The following ZBTB40 variants were observed in gnomAD, a reference collection of about 807,000 sequenced individuals.
The protein encoded by ZBTB40 is zinc finger and BTB domain containing 40, also known as zinc finger and BTB domain-containing protein 40.
A neutral mutation model predicts 117.5 loss-of-function variants in ZBTB40; 60 were observed. The ratio of observed to expected loss-of-function variants is 0.51; its 90% CI spans 0.41 to 0.63. ZBTB40 has a LOEUF of 0.63. ZBTB40 is among the 30% of genes least tolerant of loss of function. ZBTB40 has a pLI of 0.00. For synonymous variants in ZBTB40, 525 were observed against 577.1 expected, an observed-to-expected ratio of 0.91 and a Z score of 1.29; for missense variants, 1,287 against 1,498.5, an observed-to-expected ratio of 0.86 and a Z score of 2.33.
rs1022531007 is a variant in ZBTB40, at chr1:22,486,713, AT to A, written c.-69-3159del. On this transcript the variant is annotated intron_variant, in intron 1 of 17. Coordinates refer to ENST00000375647, the MANE Select transcript of ZBTB40 (RefSeq NM_014870.4). ...TTCCTACAGAGGCGTTTGTTCATACATTTTTTTTGTTTTGTTTTGTTTTGTT... is the reference window on the plus strand; with the variant it reads ...TTCCTACAGAGGCGTTTGTTCATACATTTTTTTGTTTTGTTTTGTTTTGTT... 8.3e-4 allele frequency among the ~76,000 whole-genome samples: 12 copies of A among 14,414 alleles called. No individual in the cohort carries two copies. The African/African-American group carries it at 0.023, about 27-fold the overall frequency. The allele number at this position is 14,414 out of a possible 152,430, so 9.5% of individuals were successfully genotyped here.
At chr1:22,452,154 C>G (rs1009462617) in intron 1 of ZBTB40, 150 bp downstream of exon 1, 4 of 152,556 alleles carry the variant, frequency 2.6e-5, no homozygotes, top group Admixed American at 2.0e-4. Flanking sequence ...ACCTACACCC[C>G]GGACGTGCCC....
chr1:22,470,835 T>G (rs1641387003), intron 1 of ZBTB40, among the ~76,000 whole-genome samples: 1 of 152,182 alleles, frequency 6.6e-6, no homozygotes. Context: ...GGCCAGGCAT[T>G]TACTTTAATG....
At chr1:22,508,200 A>C (rs28516648) in intron 7 of ZBTB40, 63 bp downstream of exon 7, 78,235 of 1,537,476 alleles carry the variant, frequency 0.051, 6,271 homozygotes, top group East Asian at 0.41. Context: ...AAAAATATGA[A>C]TACACACACA....
rs1639728187 is a variant in ZBTB40, at chr1:22,527,954, G to A, written c.*1558G>A. The stretch of plus-strand genomic sequence containing the variant: ...CAGCTCATCCCAGCCGACTACACCT[G>A]CTTCTGGTCCTGTCCACATTTTGAT... On this transcript the variant is annotated 3_prime_UTR_variant, in exon 18 of 18. Coordinates refer to ENST00000375647, the MANE Select transcript of ZBTB40 (RefSeq NM_014870.4). 1 of 152,552 alleles carries A rather than the reference G, an allele frequency of 6.6e-6. No homozygotes were observed. Among genetic ancestry groups the A allele is most frequent in the Non-Finnish European group, 1.5e-5 (1 of 68,054 alleles). The allele number at this position is 152,552 out of a possible 1,614,324, so 9.4% of individuals were successfully genotyped here. A position where few individuals can be genotyped will look rare whatever the true frequency, so the allele number is the denominator to read the frequency against.
rs1638389503 is a variant in ZBTB40 at position 22,483,654 on chromosome 1, T to A, written c.-69-6226T>A. Among the ~76,000 whole-genome samples the A allele has an allele frequency of 3.3e-5, 5 of 152,366 alleles. No homozygotes were observed. The South Asian group carries it at 1.0e-3, about 32-fold the overall frequency. Reference sequence around the variant, plus strand: ...GGGTTGTTTTCTTATTGTTGAGTTTTGAGAGTTCTTTGTGTATTTTGGATA... The same window carrying A: ...GGGTTGTTTTCTTATTGTTGAGTTTAGAGAGTTCTTTGTGTATTTTGGATA... On this transcript the variant is annotated intron_variant, in intron 1 of 17. Transcript: ENST00000375647.
At position 22,501,573 on chromosome 1, in the gene ZBTB40, G is replaced by T; in HGVS notation, c.913G>T (p.Asp305Tyr). 1.9e-6 allele frequency: 3 copies of T among 1,614,150 alleles called. No homozygotes were observed. The highest frequency in any genetic ancestry group is 2.5e-6 in the Non-Finnish European group (3 of 1,180,024). Residue 305 changes from aspartate to tyrosine, a missense_variant, in exon 4 of 18, where the codon GAT (aspartate) becomes TAT (tyrosine). Coordinates refer to ENST00000375647, the MANE Select transcript of ZBTB40 (RefSeq NM_014870.4). ...GGGTAAAGTAAGAGAGGAAAGCCTG[G>T]ATGTTCAAACTGTTGTGTCCCTGTT... ...ILGKVREESL[D>Y]VQTVVSLLRL...
At chr1:22,524,498 T>C (rs1178018181) in intron 17 of ZBTB40, 54 bp downstream of exon 17, 2 of 1,575,880 alleles carry the variant, frequency 1.3e-6, no homozygotes, top group African/African-American at 2.7e-5. Flanking sequence ...TTCCTAAGGC[T>C]TCTCTAGAGG....
intron 1 of ZBTB40, among the ~76,000 whole-genome samples, chr1:22,464,231 G>C (rs1373858356): frequency 6.6e-6 from 1 of 152,224 alleles, no homozygotes; most frequent in Non-Finnish European, 1.5e-5. Context: ...CACACACTTT[G>C]TAATTGAACA....
intron 1 of ZBTB40, among the ~76,000 whole-genome samples, chr1:22,446,718 T>C (rs1453959908): frequency 6.6e-6 from 1 of 152,056 alleles, no homozygotes; most frequent in East Asian, 1.9e-4. Flanking sequence ...ATAAAGACTT[T>C]CTCAGACGAA....
In ZBTB40 at chr1:22,506,306, C is replaced by A; in HGVS notation, c.1360+65C>A. The A allele has an allele frequency of 2.0e-6, 3 of 1,514,312 alleles. No individual in the cohort carries two copies. In the South Asian group the frequency reaches 3.4e-5, roughly 17 times the overall value. 93.8% of individuals were successfully genotyped at this position (1,514,312 alleles called of 1,614,324 possible). ...TTCCAGAAAATTGTAGCTTGAAACA[C>A]CCTTTTGGCTCCATGCTGGGGAGAT... On this transcript the variant is annotated intron_variant, in intron 6 of 17. Transcript: ENST00000375647.
intron 1 of ZBTB40, among the ~76,000 whole-genome samples, chr1:22,488,083 G>A (rs1170158961): frequency 6.6e-6 from 1 of 152,136 alleles, no homozygotes; most frequent in African/African-American, 2.4e-5. Flanking sequence ...ACACAGGTCA[G>A]CTGTTTTTCC....
intron 2 of ZBTB40, 69 bp downstream of exon 2, chr1:22,490,714 A>G: frequency 6.4e-7 from 1 of 1,563,186 alleles, no homozygotes; most frequent in Non-Finnish European, 8.7e-7. Context: ...ATGTTTGATT[A>G]ATAAATTTAT....
chr1:22,431,511 G>A lies in ZBTB40; in HGVS notation c.-70+2497G>A, dbSNP rs991917588. 2.6e-5 allele frequency among the ~76,000 whole-genome samples: 4 copies of A among 151,220 alleles called. No individual in the cohort carries two copies. In the East Asian group the frequency reaches 7.7e-4, roughly 29 times the overall value. On this transcript the variant is annotated intron_variant, in intron 1 of 8. Transcript: ENST00000650433. ...CCCAGCACTTTGGGAGACCAAGGGG[G>A]GTGGGTCACCTAAGGTCAGGAGTTC...
At chr1:22,493,919 C>T (rs545322103) in intron 3 of ZBTB40, among the ~76,000 whole-genome samples, 5 of 151,512 alleles carry the variant, frequency 3.3e-5, no homozygotes, top group Admixed American at 6.6e-5. Flanking sequence ...TTCATTTATC[C>T]ACCTCTACTA....
rs114723514 is a variant in ZBTB40 at position 22,514,925 on chromosome 1, C to T, written c.2668+1795C>T. On this transcript the variant is annotated intron_variant, in intron 12 of 17. Transcript: ENST00000375647. ...TCAGACATGGGGTATTATAAATATA[C>T]GCACCCCTGTCATGGGACTTACATC... Among the ~76,000 whole-genome samples, 1,143 of 152,246 alleles carry T rather than the reference C, an allele frequency of 7.5e-3. 17 individuals carry two copies. The highest frequency in any genetic ancestry group is 0.026 in the African/African-American group (1,088 of 41,532).
intron 10 of ZBTB40, 127 bp downstream of exon 10, chr1:22,511,474 G>T: frequency 7.3e-7 from 1 of 1,377,780 alleles, no homozygotes. Flanking sequence ...TATATGCTCT[G>T]AATACCTAAA....
intron 1 of ZBTB40, among the ~76,000 whole-genome samples, chr1:22,458,861 G>A (rs1641066367): frequency 6.6e-6 from 1 of 152,188 alleles, no homozygotes; most frequent in African/African-American, 2.4e-5. Context: ...AAAGTGCTGG[G>A]ATTACAAGTG....
At position 22,491,470 on chromosome 1, in the gene ZBTB40, G is replaced by C. The variant is rs763778133; in HGVS notation, c.768G>C (p.Met256Ile). The C allele has an allele frequency of 6.2e-6, 10 of 1,613,946 alleles. No homozygotes were observed. The highest frequency in any genetic ancestry group is 1.3e-5 in the African/African-American group (1 of 75,014). ...ENEGVFSDAL[M>I]VTQDVLKKLE... ...AAGGTGTCTTCTCAGATGCACTCAT[G>C]GTTACCCAGGATGTTTTAAAAAAAC... Residue 256 changes from methionine to isoleucine, a missense_variant, in exon 3 of 18, where the codon ATG (methionine) becomes ATC (isoleucine). Met to Ile is a conservative substitution (Grantham distance 10). Coordinates refer to ENST00000375647, the MANE Select transcript of ZBTB40 (RefSeq NM_014870.4).
chr1:22,442,710 A>AG (rs1384214473), intron 1 of ZBTB40, among the ~76,000 whole-genome samples: 1 of 152,150 alleles, frequency 6.6e-6, no homozygotes, highest in Non-Finnish European at 1.5e-5. Flanking sequence ...ATTCAGGGTA[A>AG]GGGTCAGCTG....
Sources: gnomAD v4.1 joint callset for allele counts (sites outside exome capture counted in the v4.1 genomes callset) on GRCh38, gnomAD v4.1.1 for gene constraint, MANE v1.5 for transcripts, NCBI Gene and HGNC (gene_info 2026-07-23, HGNC 2026-07-21) for gene names.